Variants in GNAQ observed in about 807,000 individuals in gnomAD.
GNAQ encodes the protein guanine nucleotide-binding protein G(q) subunit alpha.
GNAQ carries 8 observed loss-of-function variants against 43.9 expected under a neutral mutation model. That is an observed-to-expected ratio of 0.18 (90% CI 0.11 to 0.33). The LOEUF is 0.33. GNAQ is among the 10% of genes least tolerant of loss of function. The pLI, the probability that GNAQ is intolerant of heterozygous loss-of-function variation, is 1.00. For missense variants in GNAQ, 158 were observed against 450.8 expected (o/e 0.35, Z 5.88); for synonymous variants, 155 against 170.7 (o/e 0.91, Z 0.71).
chr9:77,989,827 A>C (rs1332440475), intron 1 of GNAQ, among the ~76,000 whole-genome samples: 1 of 152,252 alleles, frequency 6.6e-6, no homozygotes, highest in East Asian at 1.9e-4. Flanking sequence ...ATTTTAATCT[A>C]GTATTACAGC....
chr9:77,985,763 T>C (rs1160829300), intron 1 of GNAQ, among the ~76,000 whole-genome samples: 1 of 151,954 alleles, frequency 6.6e-6, no homozygotes, highest in Non-Finnish European at 1.5e-5. Flanking sequence ...ATTTTTTGGA[T>C]TTTTAGTAGA....
At chr9:77,755,283 TAAAAC>T (rs1186952252) in intron 5 of GNAQ, among the ~76,000 whole-genome samples, 1 of 152,174 alleles carries the variant, frequency 6.6e-6, no homozygotes, top group African/African-American at 2.4e-5. Flanking sequence ...TATAGTTAGA[TAAAAC>T]GAATAAGATC....
chr9:77,990,568 TCA>T (rs1191987448), intron 1 of GNAQ, among the ~76,000 whole-genome samples: 1 of 152,220 alleles, frequency 6.6e-6, no homozygotes, highest in Non-Finnish European at 1.5e-5. Context: ...TCCAGGTTTT[TCA>T]CACTTTACCC....
At chr9:77,810,565 C>T (rs1826903633) in intron 3 of GNAQ, among the ~76,000 whole-genome samples, 1 of 152,180 alleles carries the variant, frequency 6.6e-6, no homozygotes, top group Non-Finnish European at 1.5e-5. Context: ...TTTGATAAGG[C>T]TTTTCATATC....
At chr9:77,855,949 T>G (rs1827747845) in intron 2 of GNAQ, among the ~76,000 whole-genome samples, 1 of 152,172 alleles carries the variant, frequency 6.6e-6, no homozygotes, top group Non-Finnish European at 1.5e-5. Context: ...CATAACACAA[T>G]AAACCTTCTA....
At chr9:78,013,443 C>T (rs1823799066) in intron 1 of GNAQ, among the ~76,000 whole-genome samples, 1 of 151,920 alleles carries the variant, frequency 6.6e-6, no homozygotes, top group South Asian at 2.1e-4. Context: ...AGGTATATCT[C>T]CTAATGCTAT....
At chr9:77,840,268 G>A (rs187116081) in intron 2 of GNAQ, among the ~76,000 whole-genome samples, 69 of 151,974 alleles carry the variant, frequency 4.5e-4, no homozygotes, top group Admixed American at 1.4e-3. Context: ...GAATGAATTA[G>A]CATGTAGATA....
chr9:77,892,396 T>C (rs1828420380), intron 2 of GNAQ, among the ~76,000 whole-genome samples: 1 of 152,174 alleles, frequency 6.6e-6, no homozygotes, highest in Admixed American at 6.5e-5. Flanking sequence ...AAACACAAAA[T>C]AAACACAAAG....
chr9:77,852,705 G>C (rs750211997), intron 2 of GNAQ, among the ~76,000 whole-genome samples: 1 of 152,156 alleles, frequency 6.6e-6, no homozygotes, highest in Non-Finnish European at 1.5e-5. Flanking sequence ...TATGTCCTTT[G>C]ACACATATCA....
At chr9:77,783,832 T>A (rs569201176) in intron 5 of GNAQ, among the ~76,000 whole-genome samples, 7 of 152,254 alleles carry the variant, frequency 4.6e-5, no homozygotes, top group Admixed American at 1.3e-4. Context: ...ACTTGGAGGC[T>A]GAAGAGAGAG....
intron 1 of GNAQ, among the ~76,000 whole-genome samples, chr9:78,028,585 C>T (rs1824011017): frequency 6.6e-6 from 1 of 152,178 alleles, no homozygotes; most frequent in South Asian, 2.1e-4. Flanking sequence ...AACAATTTTA[C>T]ATTGATTTTC....
At chr9:77,899,563 AT>A (rs914607268) in intron 2 of GNAQ, among the ~76,000 whole-genome samples, 2 of 151,876 alleles carry the variant, frequency 1.3e-5, no homozygotes, top group African/African-American at 4.8e-5. Flanking sequence ...AAAAAAAAAA[AT>A]CAAAAAATGG....
intron 1 of GNAQ, among the ~76,000 whole-genome samples, chr9:78,016,036 G>A (rs531161114): frequency 2.6e-5 from 4 of 152,084 alleles, no homozygotes; most frequent in Admixed American, 2.6e-4. Context: ...AAATGGTGCT[G>A]GGACAACTGG....
intron 2 of GNAQ, among the ~76,000 whole-genome samples, chr9:77,896,997 G>A (rs2118137054): frequency 6.6e-6 from 1 of 152,350 alleles, no homozygotes; most frequent in Admixed American, 6.5e-5. Context: ...AAGCATGTCT[G>A]TTATTACAAT....
intron 2 of GNAQ, among the ~76,000 whole-genome samples, chr9:77,847,136 A>T (rs1827600041): frequency 2.0e-5 from 3 of 152,234 alleles, no homozygotes; most frequent in Admixed American, 2.0e-4. Flanking sequence ...TCCGACAGCC[A>T]GAAGTTTGCT....
At chr9:77,852,291 G>C (rs1827684534) in intron 2 of GNAQ, among the ~76,000 whole-genome samples, 1 of 152,178 alleles carries the variant, frequency 6.6e-6, no homozygotes, top group Non-Finnish European at 1.5e-5. Context: ...TAAATTCTCA[G>C]TGCCTGCAGT....
intron 2 of GNAQ, among the ~76,000 whole-genome samples, chr9:77,875,916 C>T (rs1828117709): frequency 6.6e-6 from 1 of 152,082 alleles, no homozygotes; most frequent in Middle Eastern, 3.2e-3. Context: ...AGGGGAAAAA[C>T]CTACCTATGG....
Position 77,902,475 on chromosome 9 carries a change from C to T in GNAQ, c.321+19686G>A, listed in dbSNP as rs547850978. Among the ~76,000 whole-genome samples, 12 of 152,246 alleles carry T rather than the reference C, an allele frequency of 7.9e-5. 1 individual carries two copies. Among genetic ancestry groups the T allele is most frequent in the African/African-American group, 2.9e-4 (12 of 41,544 alleles). On this transcript the variant is annotated intron_variant, in intron 2 of 6. Coordinates refer to ENST00000286548, the MANE Select transcript of GNAQ (RefSeq NM_002072.5). ...TTGCTTACAAAGTTGAGAGGAATGT[C>T]TTAACAGATTATGACATTACAAGAT...
intron 1 of GNAQ, among the ~76,000 whole-genome samples, chr9:77,931,178 T>A (rs887474087): frequency 2.1e-5 from 3 of 146,316 alleles, no homozygotes; most frequent in East Asian, 2.1e-4. Context: ...AGGACAGCGG[T>A]CCCTGTCCTA....
Sources: gnomAD v4.1 joint callset for allele counts (sites outside exome capture counted in the v4.1 genomes callset) on GRCh38, gnomAD v4.1.1 for gene constraint, MANE v1.5 for transcripts, NCBI Gene and HGNC (gene_info 2026-07-23, HGNC 2026-07-21) for gene names.